PTPN12: variants seen among roughly 807,000 people sequenced by gnomAD.
The protein encoded by PTPN12 is protein tyrosine phosphatase non-receptor type 12, also known as tyrosine-protein phosphatase non-receptor type 12.
PTPN12 carries 29 observed loss-of-function variants against 97.6 expected under a neutral mutation model. That is an observed-to-expected ratio of 0.30 (90% CI 0.22 to 0.41). PTPN12 has a LOEUF of 0.41. Ranked by LOEUF, PTPN12 falls within the 10% of genes least tolerant of loss-of-function variation. The pLI is 1.00. For missense variants in PTPN12, 819 were observed against 926.0 expected (o/e 0.88, Z 1.50); for synonymous variants, 327 against 300.4 (o/e 1.09, Z -0.91).
At chr7:77,605,655 A>G (rs1486824277) in intron 8 of PTPN12, among the ~76,000 whole-genome samples, 25 of 151,556 alleles carry the variant, frequency 1.6e-4, no homozygotes. Context: ...TCCTGACCTC[A>G]GGTGATCCGC....
intron 1 of PTPN12, among the ~76,000 whole-genome samples, chr7:77,552,910 C>A (rs1807543380): frequency 6.6e-6 from 1 of 152,106 alleles, no homozygotes; most frequent in Non-Finnish European, 1.5e-5. Flanking sequence ...ATAAAGGACA[C>A]AGTGTCAGAT....
intron 6 of PTPN12, among the ~76,000 whole-genome samples, chr7:77,594,147 T>C (rs1283394252): frequency 1.3e-5 from 2 of 152,194 alleles, no homozygotes; most frequent in Non-Finnish European, 2.9e-5. Context: ...TGATTAGAAT[T>C]AACTATTTGT....
At chr7:77,608,060 C>T (rs1214757822) in intron 9 of PTPN12, among the ~76,000 whole-genome samples, 1 of 152,074 alleles carries the variant, frequency 6.6e-6, no homozygotes, top group African/African-American at 2.4e-5. Context: ...TGGCCCATTG[C>T]CTTTTATGTT....
chr7:77,598,547 GTGGTGCACACCTATAA>G (rs1439600929), intron 7 of PTPN12, among the ~76,000 whole-genome samples: 3 of 152,074 alleles, frequency 2.0e-5, no homozygotes, highest in Admixed American at 6.6e-5. Context: ...GCTGGGCATG[GTGGTGCACACCTATAA>G]TCCCAGCTAC....
At chr7:77,596,559 C>T (rs945614417) in intron 6 of PTPN12, among the ~76,000 whole-genome samples, 5 of 152,134 alleles carry the variant, frequency 3.3e-5, no homozygotes, top group Non-Finnish European at 5.9e-5. Flanking sequence ...CACAGGCTTA[C>T]GCCTCAATGT....
chr7:77,621,467 G>A (rs1179012303), intron 12 of PTPN12, among the ~76,000 whole-genome samples: 3 of 152,126 alleles, frequency 2.0e-5, no homozygotes, highest in Non-Finnish European at 4.4e-5. Context: ...TTGGGAGTTC[G>A]AGACCAGCCT....
At chr7:77,592,346 C>A in intron 6 of PTPN12, 90 bp downstream of exon 6, 1 of 1,094,326 alleles carries the variant, frequency 9.1e-7, no homozygotes, top group African/African-American at 1.6e-5. Context: ...TGAACCCAGG[C>A]TTATAGACGC....
chr7:77,537,473 A>G lies in PTPN12; in HGVS notation c.-74A>G. ...ACGTGCTGGGGGAACGAGCTGGGGA[A>G]GACGGAGCGGGCTCTGTGCCGGGCG... is the stretch of plus-strand genomic sequence containing the variant. On this transcript the variant is annotated 5_prime_UTR_variant, in exon 1 of 18. Transcript: ENST00000248594. 7.6e-7 allele frequency: 1 copy of G among 1,311,696 alleles called. No homozygotes were observed. The highest frequency in any genetic ancestry group is 9.9e-7 in the Non-Finnish European group (1 of 1,010,870). 81.3% of individuals were successfully genotyped at this position (1,311,696 alleles called of 1,614,324 possible).
At chr7:77,637,485 T>G (rs940149082) in intron 16 of PTPN12, among the ~76,000 whole-genome samples, 3 of 152,154 alleles carry the variant, frequency 2.0e-5, no homozygotes, top group Non-Finnish European at 4.4e-5. Context: ...ATTTTAGTAG[T>G]TAACATCTTT....
At chr7:77,580,875 A>G (rs1408160237) in intron 2 of PTPN12, among the ~76,000 whole-genome samples, 4 of 152,210 alleles carry the variant, frequency 2.6e-5, no homozygotes, top group African/African-American at 9.7e-5. Flanking sequence ...GTTAGTATTC[A>G]TCAGCCACTT....
intron 11 of PTPN12, among the ~76,000 whole-genome samples, chr7:77,616,780 G>C (rs889938015): frequency 2.0e-5 from 3 of 151,878 alleles, no homozygotes; most frequent in Non-Finnish European, 4.4e-5. Flanking sequence ...ATATGTTGGG[G>C]GTACTTTTTT....
intron 12 of PTPN12, among the ~76,000 whole-genome samples, chr7:77,625,472 G>GCTTGCGCGCT (rs1554326598): frequency 2.4e-4 from 8 of 33,522 alleles, no homozygotes; most frequent in African/African-American, 1.1e-3. Flanking sequence ...CAGGCTGCTC[G>GCTTGCGCGCT]CTCTCTCTCT....
intron 6 of PTPN12, among the ~76,000 whole-genome samples, chr7:77,595,607 T>C (rs1211934056): frequency 1.3e-5 from 2 of 152,204 alleles, no homozygotes; most frequent in African/African-American, 4.8e-5. Flanking sequence ...TCTATCACAA[T>C]AGCAAAGTTG....
At chr7:77,568,130 T>C (rs1392059583) in intron 1 of PTPN12, among the ~76,000 whole-genome samples, 1 of 152,220 alleles carries the variant, frequency 6.6e-6, no homozygotes, top group East Asian at 1.9e-4. Flanking sequence ...AATAGAGCAT[T>C]CTCCATTTTA....
chr7:77,635,714 ATTAC>A, intron 14 of PTPN12, 64 bp from the exon 15 acceptor site: 3 of 973,278 alleles, frequency 3.1e-6, no homozygotes, highest in Non-Finnish European at 2.9e-6. Flanking sequence ...TGTTTTTTGT[ATTAC>A]TTTAATGCAA....
chr7:77,639,071 C>A, intron 17 of PTPN12, 148 bp from the exon 18 acceptor site: 1 of 684,380 alleles, frequency 1.5e-6, no homozygotes, highest in Non-Finnish European at 2.3e-6. Context: ...AATTGTTTTG[C>A]ATTTACCAAG....
At chr7:77,593,252 A>G (rs960301925) in intron 6 of PTPN12, among the ~76,000 whole-genome samples, 9 of 139,628 alleles carry the variant, frequency 6.4e-5, no homozygotes, top group Non-Finnish European at 9.1e-5. Context: ...CTGGGCGACA[A>G]GGGTGAAACT....
At chr7:77,615,026 T>A (rs937298494) in intron 11 of PTPN12, among the ~76,000 whole-genome samples, 2 of 152,136 alleles carry the variant, frequency 1.3e-5, no homozygotes, top group African/African-American at 2.4e-5. Flanking sequence ...AAAGAGAAAA[T>A]TTATTCTGTA....
At chr7:77,636,441 G>T (rs191271077) in intron 15 of PTPN12, among the ~76,000 whole-genome samples, 184 of 152,048 alleles carry the variant, frequency 1.2e-3, no homozygotes, top group African/African-American at 4.2e-3. Context: ...AATTAGCCAG[G>T]CGTGGTGGCG....
Sources: gnomAD v4.1 joint callset for allele counts (sites outside exome capture counted in the v4.1 genomes callset) on GRCh38, gnomAD v4.1.1 for gene constraint, MANE v1.5 for transcripts, NCBI Gene and HGNC (gene_info 2026-07-23, HGNC 2026-07-21) for gene names.